The following FMN2 variants were observed in gnomAD, a reference collection of about 807,000 sequenced individuals.
The protein encoded by FMN2 is formin-2.
Under a neutral mutation model 142.3 loss-of-function variants are expected in FMN2, and 51 were observed. The observed-to-expected ratio is 0.36, with a 90% confidence interval of 0.29 to 0.45. The LOEUF (loss-of-function observed/expected upper bound fraction) is 0.45, where lower values mean the gene tolerates loss of function less well. Ranked by LOEUF, FMN2 falls within the 20% of genes least tolerant of loss-of-function variation. The pLI is 1.00. For synonymous variants in FMN2, 882 were observed against 869.8 expected, an observed-to-expected ratio of 1.01 and a Z score of -0.25; for missense variants, 1,936 against 2,122.8, an observed-to-expected ratio of 0.91 and a Z score of 1.73.
intron 6 of FMN2, among the ~76,000 whole-genome samples, chr1:240,224,535 C>T (rs1667235125): frequency 6.6e-6 from 1 of 152,084 alleles, no homozygotes; most frequent in Non-Finnish European, 1.5e-5. Context: ...ATTTCAAGTT[C>T]TGAATATCCT....
At chr1:240,172,617 A>T (rs528989057) in intron 2 of FMN2, among the ~76,000 whole-genome samples, 2 of 152,272 alleles carry the variant, frequency 1.3e-5, no homozygotes, top group African/African-American at 4.8e-5. Context: ...TGATTTACTG[A>T]TGAGAATATT....
chr1:240,117,247 C>T (rs1662060120), intron 1 of FMN2, among the ~76,000 whole-genome samples: 1 of 152,176 alleles, frequency 6.6e-6, no homozygotes, highest in Non-Finnish European at 1.5e-5. Context: ...AATATCATCT[C>T]ATCATTGGGA....
intron 14 of FMN2, among the ~76,000 whole-genome samples, chr1:240,384,697 C>A (rs773953534): frequency 2.6e-5 from 4 of 152,058 alleles, no homozygotes; most frequent in Non-Finnish European, 5.9e-5. Context: ...ACTAATTTGC[C>A]AGTGTTAAGG....
intron 14 of FMN2, among the ~76,000 whole-genome samples, chr1:240,390,089 C>A (rs1673554445): frequency 6.6e-6 from 1 of 152,116 alleles, no homozygotes; most frequent in African/African-American, 2.4e-5. Context: ...GATTGGTATA[C>A]AAAGGAAATC....
rs1252556745 is a variant in FMN2 at position 240,287,511 on chromosome 1, T to C, written c.4154-7311T>C. On this transcript the variant is annotated intron_variant, in intron 7 of 17. Transcript: ENST00000319653. ...TCTGCTGACTCTACTTCTCTTTCCA[T>C]GTACTTTAACCCAAATTAGTGTTAA... Among the ~76,000 whole-genome samples, 4 of 152,204 alleles carry C rather than the reference T, an allele frequency of 2.6e-5. No homozygotes were observed. In the East Asian group the frequency reaches 5.8e-4, roughly 22 times the overall value.
chr1:240,435,962 G>A (rs1337152083), intron 15 of FMN2, among the ~76,000 whole-genome samples: 2 of 152,142 alleles, frequency 1.3e-5, no homozygotes, highest in Non-Finnish European at 2.9e-5. Flanking sequence ...CCTAACTTCA[G>A]CCTAACAGGT....
chr1:240,428,827 G>A (rs951798457), intron 15 of FMN2, among the ~76,000 whole-genome samples: 4 of 152,106 alleles, frequency 2.6e-5, no homozygotes, highest in Non-Finnish European at 5.9e-5. Context: ...GTATAATAGA[G>A]CTCTTGAACT....
chr1:240,286,006 G>A (rs143602357), intron 7 of FMN2, among the ~76,000 whole-genome samples: 5 of 152,292 alleles, frequency 3.3e-5, no homozygotes, highest in African/African-American at 1.2e-4. Context: ...GTGATGAGAA[G>A]CCCTGAGTCT....
At chr1:240,435,130 T>C (rs1026326536) in intron 15 of FMN2, among the ~76,000 whole-genome samples, 1 of 151,942 alleles carries the variant, frequency 6.6e-6, no homozygotes, top group African/African-American at 2.4e-5. Context: ...GCAAAGAACA[T>C]TTTTATTGAA....
intron 6 of FMN2, among the ~76,000 whole-genome samples, chr1:240,214,975 A>T (rs1322229195): frequency 6.6e-6 from 1 of 151,960 alleles, no homozygotes; most frequent in African/African-American, 2.4e-5. Flanking sequence ...CTGAGATGGG[A>T]AGATCATCTG....
intron 15 of FMN2, among the ~76,000 whole-genome samples, chr1:240,423,678 A>C (rs114397473): frequency 6.6e-6 from 1 of 152,270 alleles, no homozygotes; most frequent in Non-Finnish European, 1.5e-5. Flanking sequence ...AAAGGCAGAG[A>C]CCCCCAGGGT....
chr1:240,366,182 A>G (rs767355696), intron 14 of FMN2, among the ~76,000 whole-genome samples: 2 of 152,222 alleles, frequency 1.3e-5, no homozygotes, highest in Non-Finnish European at 2.9e-5. Context: ...ATATACACCC[A>G]GCTCACAGAA....
intron 6 of FMN2, among the ~76,000 whole-genome samples, chr1:240,256,861 A>T (rs890725755): frequency 1.3e-5 from 2 of 152,202 alleles, no homozygotes; most frequent in East Asian, 1.9e-4. Context: ...TGGGGCACCC[A>T]GAGTGCTATT....
At chr1:240,438,479 C>T (rs9442205) in intron 16 of FMN2, among the ~76,000 whole-genome samples, 6,320 of 152,156 alleles carry the variant, frequency 0.042, 478 homozygotes, top group African/African-American at 0.15. Flanking sequence ...GAGGAAACCA[C>T]GTAAAAGTGA....
intron 2 of FMN2, among the ~76,000 whole-genome samples, chr1:240,172,995 G>A (rs111831386): frequency 0.014 from 2,112 of 151,994 alleles, 47 homozygotes; most frequent in African/African-American, 0.044. Flanking sequence ...GAGCACAGTG[G>A]CCTGATCTTG....
Position 240,306,321 on chromosome 1 carries a change from T to C in FMN2, c.4215+11438T>C, listed in dbSNP as rs114438606. On this transcript the variant is annotated intron_variant, in intron 8 of 17. Transcript: ENST00000319653. ...TCAAGGGATACATGTGCAGGTTTGT[T>C]ACAAGGGCATATTGAGTGGGGCTGA... Among the ~76,000 whole-genome samples, 1,164 of 152,250 alleles carry C rather than the reference T, an allele frequency of 7.6e-3. 14 individuals carry two copies. Among genetic ancestry groups the C allele is most frequent in the African/African-American group, 0.027 (1,126 of 41,542 alleles).
At position 240,092,909 on chromosome 1, in the gene FMN2, C is replaced by G; in HGVS notation, c.800C>G (p.Pro267Arg). 6.7e-7 allele frequency: 1 copy of G among 1,493,174 alleles called. No homozygotes were observed. The highest frequency in any genetic ancestry group is 8.9e-7 in the Non-Finnish European group (1 of 1,129,412). 92.5% of individuals were successfully genotyped at this position (1,493,174 alleles called of 1,614,324 possible). A position where few individuals can be genotyped will look rare whatever the true frequency, so the allele number is the denominator to read the frequency against. ...GGGGCTGGGGAGGCCCCGGGCAGTC[C>G]GGACACCGAGCAGGCGCTGTCCGCG... ...SGGAGEAPGS[P>R]DTEQALSALS... is the part of the protein sequence containing the mutation. The change falls in exon 1 of 18, where the codon CCG (proline) becomes CGG (arginine). Residue 267 changes from proline to arginine, a missense_variant. By Grantham distance (103) the Pro-to-Arg change is moderately radical (BLOSUM62 -2). This residue lies in a region of FMN2 where 751 missense variants were observed against 791.8 expected (regional missense o/e 0.95). Coordinates refer to ENST00000319653, the MANE Select transcript of FMN2 (RefSeq NM_020066.5).
At chr1:240,122,062 A>AATT (rs1558305793) in intron 1 of FMN2, among the ~76,000 whole-genome samples, 2 of 97,114 alleles carry the variant, frequency 2.1e-5, no homozygotes, top group Non-Finnish European at 5.1e-5. Flanking sequence ...TTTGGATCCA[A>AATT]AATTAATTAA....
chr1:240,092,447 C>G lies in FMN2; in HGVS notation c.338C>G (p.Ser113Cys). The stretch of plus-strand genomic sequence containing the variant: ...ACCGGGGAGCTGGACAGCGCTCACT[C>G]CCTGCTCACCAAGACTCCAGACCTC... ...LQTGELDSAHSLLTKTPDLSL... is the reference protein window; with the variant it reads ...LQTGELDSAHCLLTKTPDLSL... The change falls in exon 1 of 18, where the codon TCC (serine) becomes TGC (cysteine). Residue 113 changes from serine (S) to cysteine (C), a missense_variant. Ser to Cys is a moderately radical substitution (Grantham distance 112, BLOSUM62 -1). Around this residue, in one of 8 missense-constraint regions of FMN2, gnomAD observed 751 missense variants for 791.8 expected, o/e 0.95. Coordinates refer to ENST00000319653, the MANE Select transcript of FMN2 (RefSeq NM_020066.5). 2 of 1,610,406 alleles carry G rather than the reference C, an allele frequency of 1.2e-6. No individual in the cohort carries two copies. Among genetic ancestry groups the G allele is most frequent in the Middle Eastern group, 1.7e-4 (1 of 6,054 alleles).
Sources: gnomAD v4.1 joint callset for allele counts (sites outside exome capture counted in the v4.1 genomes callset) on GRCh38, gnomAD v4.1.1 for gene constraint, gnomAD v4.1.1 regional missense constraint, MANE v1.5 for transcripts, NCBI Gene and HGNC (gene_info 2026-07-23, HGNC 2026-07-21) for gene names.